Variants in TMIGD1 observed in about 807,000 individuals in gnomAD.
TMIGD1 encodes transmembrane and immunoglobulin domain-containing protein 1.
In TMIGD1, 29 loss-of-function variants were observed where a neutral mutation model predicts 27.5. The observed-to-expected ratio is 1.05, with a 90% CI of 0.78 to 1.44. The LOEUF is 1.44. Among genes scored for constraint, TMIGD1 ranks in the 40% most tolerant of loss-of-function variants. The pLI, the probability that TMIGD1 is intolerant of heterozygous loss-of-function variation, is 0.00. For missense variants in TMIGD1, 334 were observed against 310.6 expected (o/e 1.08, Z -0.57); for synonymous variants, 109 against 110.3 (o/e 0.99, Z 0.07).
chr17:30,316,893 T>C (rs763032432), intron 6 of TMIGD1: 17 of 642,134 alleles, frequency 2.6e-5, no homozygotes, highest in Non-Finnish European at 4.4e-5. Flanking sequence ...TAAAGCAGTA[T>C]GGACCAGTGA....
chr17:30,329,406 C>A lies in TMIGD1; in HGVS notation c.206G>T (p.Arg69Leu). The A allele has an allele frequency of 6.2e-7, 1 of 1,614,198 alleles. No individual in the cohort carries two copies. Among genetic ancestry groups the A allele is most frequent in the Non-Finnish European group, 8.5e-7 (1 of 1,180,040 alleles). ...HTREEELLWY[R>L]EEGRVDLKSG... ...TTTCAAATCCACTCTCCCCTCCTCT[C>A]GGTACCAGAGCAGTTCTTCCTCTCT... is the stretch of plus-strand genomic sequence containing the variant. The change falls in exon 3 of 7, where the codon CGA (arginine) becomes CTA (leucine). Residue 69 changes from arginine (R) to leucine (L), a missense_variant. Coordinates refer to ENST00000328886, the MANE Select transcript of TMIGD1 (RefSeq NM_206832.3).
At chr17:30,329,077 C>T (rs1909885576) in intron 3 of TMIGD1, among the ~76,000 whole-genome samples, 174 bp downstream of exon 3, 1 of 151,760 alleles carries the variant, frequency 6.6e-6, no homozygotes, top group Admixed American at 6.6e-5. Flanking sequence ...GGCAAATTCT[C>T]AGAGTTTGGC....
chr17:30,331,735 C>A (rs1006712630), intron 2 of TMIGD1, among the ~76,000 whole-genome samples: 6 of 152,052 alleles, frequency 3.9e-5, no homozygotes, highest in African/African-American at 1.4e-4. Flanking sequence ...ACTACAGGCG[C>A]CTGCCAGCAC....
At chr17:30,333,652 C>A (rs1253554436) in intron 1 of TMIGD1, among the ~76,000 whole-genome samples, 2 of 152,090 alleles carry the variant, frequency 1.3e-5, no homozygotes, top group African/African-American at 2.4e-5. Flanking sequence ...GGCAGACAAG[C>A]CTGCATCAAT....
intron 3 of TMIGD1, 78 bp downstream of exon 3, chr17:30,329,173 A>G (rs779295799): frequency 9.8e-5 from 152 of 1,546,654 alleles, no homozygotes; most frequent in Non-Finnish European, 1.2e-4. Flanking sequence ...TGGCAATACC[A>G]AGACCTAGAT....
Position 30,316,799 on chromosome 17 carries a change from A to G in TMIGD1, c.786-109T>C, listed in dbSNP as rs1909429054. 13 of 978,272 alleles carry G rather than the reference A, an allele frequency of 1.3e-5. No homozygotes were observed. In the South Asian group the frequency reaches 1.7e-4, roughly 13 times the overall value. The allele number at this position is 978,272 out of a possible 1,614,324, so 60.6% of individuals were successfully genotyped here. On this transcript the variant is annotated intron_variant, in intron 6 of 6. Coordinates refer to ENST00000328886, the MANE Select transcript of TMIGD1 (RefSeq NM_206832.3). The stretch of plus-strand genomic sequence containing the variant: ...CATGCCTTTGTTCTTATTACCTACT[A>G]CCCACTTCACATATGCTAGAAGCGC...
At chr17:30,320,377 G>A (rs1909579427) in intron 4 of TMIGD1, among the ~76,000 whole-genome samples, 1 of 152,082 alleles carries the variant, frequency 6.6e-6, no homozygotes. Flanking sequence ...CATAGTGCCT[G>A]TGTTTGCAAG....
chr17:30,327,544 T>TTTTTATTTTATTTTATTTTATTTTA (rs1237730606), intron 3 of TMIGD1, among the ~76,000 whole-genome samples: 6 of 151,792 alleles, frequency 4.0e-5, no homozygotes, highest in African/African-American at 1.2e-4. Flanking sequence ...CTTAGCTGGC[T>TTTTTATTTTATTTTATTTTATTTTA]TTTTATTTTA....
chr17:30,332,345 A>T (rs536874931), intron 1 of TMIGD1, among the ~76,000 whole-genome samples, 187 bp from the exon 2 acceptor site: 14 of 152,200 alleles, frequency 9.2e-5, no homozygotes, highest in Non-Finnish European at 1.3e-4. Flanking sequence ...GTAGTAAGAA[A>T]TTTTTTTTAA....
In TMIGD1 at chr17:30,317,237, A is replaced by G. The variant is rs1909445011; in HGVS notation, c.745-4T>C. The G allele has an allele frequency of 6.2e-7, 1 of 1,614,002 alleles. No individual in the cohort carries two copies. The highest frequency in any genetic ancestry group is 8.5e-7 in the Non-Finnish European group (1 of 1,179,938). Reference sequence around the variant, plus strand: ...GGTCTTTATCCTTCATGCAGAGCTAAAAGCAAACATGGCAGTAAATTAGCC... The same window carrying G: ...GGTCTTTATCCTTCATGCAGAGCTAGAAGCAAACATGGCAGTAAATTAGCC... On this transcript the variant is annotated splice_polypyrimidine_tract_variant and splice_region_variant and intron_variant, in intron 5 of 6. Transcript: ENST00000328886.
At position 30,316,662 on chromosome 17, in the gene TMIGD1, T is replaced by C; in HGVS notation, c.*25A>G. 3 of 1,612,914 alleles carry C rather than the reference T, an allele frequency of 1.9e-6. No individual in the cohort carries two copies. The highest frequency in any genetic ancestry group is 2.5e-6 in the Non-Finnish European group (3 of 1,179,310). Reference sequence around the variant, plus strand: ...GGAGGTCCTGATGCAAAACTCTCTCTGTATTCGATGGCATCTCAGCTTTCT... The same window carrying C: ...GGAGGTCCTGATGCAAAACTCTCTCCGTATTCGATGGCATCTCAGCTTTCT... On this transcript the variant is annotated 3_prime_UTR_variant, in exon 7 of 7. Coordinates refer to ENST00000328886, the MANE Select transcript of TMIGD1 (RefSeq NM_206832.3).
intron 2 of TMIGD1, among the ~76,000 whole-genome samples, chr17:30,331,275 G>C (rs568431928): frequency 4.6e-5 from 7 of 151,568 alleles, no homozygotes; most frequent in African/African-American, 1.7e-4. Context: ...AATATTGAGT[G>C]GTTGTCATCT....
intron 3 of TMIGD1, among the ~76,000 whole-genome samples, chr17:30,326,500 T>A (rs78468975): frequency 0.01 from 1,596 of 152,264 alleles, 17 homozygotes; most frequent in African/African-American, 0.026. Context: ...CATGGGAAGG[T>A]TTTACATAAA....
chr17:30,325,868 G>A (rs918772046), intron 3 of TMIGD1, among the ~76,000 whole-genome samples: 1 of 152,146 alleles, frequency 6.6e-6, no homozygotes, highest in South Asian at 2.1e-4. Flanking sequence ...ATCCCTGTGT[G>A]TGAGCAACTC....
At chr17:30,331,835 G>A (rs1035537707) in intron 2 of TMIGD1, among the ~76,000 whole-genome samples, 2 of 152,084 alleles carry the variant, frequency 1.3e-5, no homozygotes, top group African/African-American at 4.8e-5. Flanking sequence ...TGATTCACCT[G>A]CCTCGGCCTC....
chr17:30,324,735 A>T, intron 4 of TMIGD1, 81 bp downstream of exon 4: 3 of 1,491,494 alleles, frequency 2.0e-6, no homozygotes, highest in Non-Finnish European at 2.7e-6. Flanking sequence ...CGTTATTATC[A>T]TTTATTGTCA....
At chr17:30,322,308 A>G (rs917693708) in intron 4 of TMIGD1, among the ~76,000 whole-genome samples, 5 of 152,170 alleles carry the variant, frequency 3.3e-5, no homozygotes, top group African/African-American at 1.2e-4. Context: ...TGTACTAGCC[A>G]GCTCTGGGAC....
chr17:30,329,819 C>T (rs1909914732), intron 2 of TMIGD1, among the ~76,000 whole-genome samples: 1 of 151,700 alleles, frequency 6.6e-6, no homozygotes, highest in Non-Finnish European at 1.5e-5. Flanking sequence ...GCCTATAATC[C>T]CAGGGCTTTG....
intron 4 of TMIGD1, among the ~76,000 whole-genome samples, chr17:30,322,742 C>T (rs1461056525): frequency 2.0e-5 from 3 of 152,182 alleles, no homozygotes; most frequent in Non-Finnish European, 4.4e-5. Flanking sequence ...CCTCCTGATC[C>T]ACCCGCCTCG....
Sources: allele counts gnomAD v4.1 joint callset (sites outside exome capture counted in the v4.1 genomes callset), GRCh38; gene constraint gnomAD v4.1.1; transcripts MANE v1.5; gene names NCBI Gene and HGNC (gene_info 2026-07-23, HGNC 2026-07-21).